PRDM8: variants seen among roughly 807,000 people sequenced by gnomAD.
The protein encoded by PRDM8 is PR/SET domain 8, also known as PR domain zinc finger protein 8.
A neutral mutation model predicts 46.5 loss-of-function variants in PRDM8; 13 were observed. The ratio of observed to expected loss-of-function variants is 0.28; its 90% CI spans 0.18 to 0.44. The LOEUF (loss-of-function observed/expected upper bound fraction) is 0.44. Ranked by LOEUF, PRDM8 falls within the 20% of genes least tolerant of loss-of-function variation. The pLI is 1.00. For missense variants in PRDM8, 998 were observed against 955.0 expected (o/e 1.04, Z -0.59); for synonymous variants, 473 against 438.4 (o/e 1.08, Z -0.98).
rs1738737122 is a variant in PRDM8, at chr4:80,203,399, C to T, written c.1937C>T (p.Ser646Leu). The T allele has an allele frequency of 6.2e-7, 1 of 1,613,886 alleles. No homozygotes were observed. The highest frequency in any genetic ancestry group is 8.5e-7 in the Non-Finnish European group (1 of 1,179,942). ...TCCGACCTGGTGTACCATATGAGGT[C>T]GCACCACAAAAAGGAGTATGCGATG... Reference protein sequence around the residue: ...MTSDLVYHMRSHHKKEYAMEP... With the variant: ...MTSDLVYHMRLHHKKEYAMEP... Residue 646 changes from serine to leucine, a missense_variant, in exon 4 of 4, where the codon TCG (serine) becomes TTG (leucine). Ser to Leu is a moderately radical substitution (Grantham distance 145). Coordinates refer to ENST00000415738, the MANE Select transcript of PRDM8 (RefSeq NM_001099403.2).
chr4:80,203,727 C>T lies in PRDM8; in HGVS notation c.*195C>T. ...CCAGGAACCTCATTCAAATATTTAC[C>T]CGGGACACACACCCCCCCCCACACA... On this transcript the variant is annotated 3_prime_UTR_variant, in exon 4 of 4. Coordinates refer to ENST00000415738, the MANE Select transcript of PRDM8 (RefSeq NM_001099403.2). 1.6e-6 allele frequency: 1 copy of T among 623,310 alleles called. No homozygotes were observed. The highest frequency in any genetic ancestry group is 2.6e-6 in the Non-Finnish European group (1 of 390,936). The allele number at this position is 623,310 out of a possible 1,614,324, so 38.6% of individuals were successfully genotyped here. A position where few individuals can be genotyped will look rare whatever the true frequency, so the allele number is the denominator to read the frequency against.
chr4:80,197,087 C>T (rs1738015980), upstream of PRDM8: 1 of 985,506 alleles, frequency 1.0e-6, no homozygotes, highest in Non-Finnish European at 1.2e-6. Flanking sequence ...AACCGCACCC[C>T]TCTCCCTTTC....
chr4:80,187,693 G>C (rs1240528770), intron 1 of PRDM8, among the ~76,000 whole-genome samples: 4 of 152,088 alleles, frequency 2.6e-5, no homozygotes, highest in African/African-American at 9.7e-5. Flanking sequence ...CTGTTGTTGG[G>C]TTATGCCCCT....
chr4:80,190,288 C>G (rs1737443796), intron 1 of PRDM8: 1 of 152,264 alleles, frequency 6.6e-6, no homozygotes, highest in Admixed American at 6.5e-5. Context: ...CACTAATTGC[C>G]GGTGGAAGGC....
rs1042984856 is a variant in PRDM8, at chr4:80,201,649, G to A, written c.451+128G>A. On this transcript the variant is annotated intron_variant, in intron 3 of 3. Coordinates refer to ENST00000415738, the MANE Select transcript of PRDM8 (RefSeq NM_001099403.2). The stretch of plus-strand genomic sequence containing the variant: ...CGGGTGTCTCATAGGAAGATTCTGA[G>A]ATGTAGTCTGGAATGAAGTTAAACA... The A allele has an allele frequency of 3.8e-6, 4 of 1,044,458 alleles. No individual in the cohort carries two copies. In the African/African-American group the frequency reaches 6.4e-5, roughly 17 times the overall value. The allele number at this position is 1,044,458 out of a possible 1,614,324, so 64.7% of individuals were successfully genotyped here.
At chr4:80,187,272 T>A (rs1049682701) in intron 1 of PRDM8, among the ~76,000 whole-genome samples, 1 of 143,532 alleles carries the variant, frequency 7.0e-6, no homozygotes, top group Non-Finnish European at 1.5e-5. Context: ...AAGAATATCA[T>A]CTTGAATGCT....
intron 2 of PRDM8, among the ~76,000 whole-genome samples, chr4:80,192,097 GT>G (rs1474013454): frequency 6.6e-6 from 1 of 152,102 alleles, no homozygotes; most frequent in East Asian, 1.9e-4. Flanking sequence ...TGTACCATGG[GT>G]TTATTCCAAG....
rs1274702762 is a variant in PRDM8, at chr4:80,197,770, C to T, written c.-3+7C>T. ...TATACTGACCTTATTCCTGGTAAGT[C>T]TATTTGCATTGATGTGGGAGGGGGA... is the stretch of plus-strand genomic sequence containing the variant. On this transcript the variant is annotated splice_region_variant and intron_variant, in intron 1 of 3. Transcript: ENST00000415738. The T allele has an allele frequency of 1.0e-6, 1 of 985,216 alleles. No homozygotes were observed. The highest frequency in any genetic ancestry group is 1.7e-5 in the African/African-American group (1 of 57,178). 61.0% of individuals were successfully genotyped at this position (985,216 alleles called of 1,614,324 possible).
Position 80,202,474 on chromosome 4 carries a change from G to C in PRDM8, c.1012G>C (p.Glu338Gln). ...GGTAGGGGGCCGGGGCCGCTTCGTAGAGCGGCCCCTCCCGGCCTCCAAGGA... is the reference window on the plus strand; with the variant it reads ...GGTAGGGGGCCGGGGCCGCTTCGTACAGCGGCCCCTCCCGGCCTCCAAGGA... ...GLVGGRGRFV[E>Q]RPLPASKEDL... Residue 338 changes from glutamate (E) to glutamine (Q), a missense_variant, in exon 4 of 4, where the codon GAG becomes CAG. Transcript: ENST00000415738. 6.5e-7 allele frequency: 1 copy of C among 1,539,402 alleles called. No homozygotes were observed. The highest frequency in any genetic ancestry group is 8.7e-7 in the Non-Finnish European group (1 of 1,143,070).
At chr4:80,197,121 T>C, upstream of PRDM8, 1 of 985,404 alleles carries the variant, frequency 1.0e-6, no homozygotes, top group Non-Finnish European at 1.2e-6. Flanking sequence ...TCCGGGGAAA[T>C]ACGCACGGGG....
Position 80,197,657 on chromosome 4 carries a change from C to G in PRDM8, c.-109C>G. On this transcript the variant is annotated 5_prime_UTR_variant, in exon 1 of 4. Transcript: ENST00000415738. ...CTAAAAGGCGGCAACACCAACACCTCTTGACATGGAAATACACTGATACAA... is the reference window on the plus strand; with the variant it reads ...CTAAAAGGCGGCAACACCAACACCTGTTGACATGGAAATACACTGATACAA... The G allele has an allele frequency of 1.0e-6, 1 of 983,944 alleles. No individual in the cohort carries two copies. 61.0% of individuals were successfully genotyped at this position (983,944 alleles called of 1,614,324 possible). A position where few individuals can be genotyped will look rare whatever the true frequency, so the allele number is the denominator to read the frequency against.
Position 80,202,690 on chromosome 4 carries a change from G to T in PRDM8, c.1228G>T (p.Ala410Ser). 4 of 1,394,766 alleles carry T rather than the reference G, an allele frequency of 2.9e-6. No individual in the cohort carries two copies. Among genetic ancestry groups the T allele is most frequent in the East Asian group, 3.0e-5 (1 of 33,760 alleles). The allele number at this position is 1,394,766 out of a possible 1,614,324, so 86.4% of individuals were successfully genotyped here. A position where few individuals can be genotyped will look rare whatever the true frequency, so the allele number is the denominator to read the frequency against. Reference protein sequence around the residue: ...EEGTADGAGVASEDQDAGGGG... With the variant: ...EEGTADGAGVSSEDQDAGGGG... The stretch of plus-strand genomic sequence containing the variant: ...GGGGACAGCCGACGGCGCGGGAGTC[G>T]CCTCCGAGGACCAGGACGCTGGCGG... Residue 410 changes from alanine to serine, a missense_variant, in exon 4 of 4, where the codon GCC (alanine) becomes TCC (serine). Transcript: ENST00000415738.
At chr4:80,198,470 G>A (rs910679065) in intron 1 of PRDM8, among the ~76,000 whole-genome samples, 3 of 152,202 alleles carry the variant, frequency 2.0e-5, no homozygotes, top group African/African-American at 7.2e-5. Flanking sequence ...TTTTTAAAAT[G>A]TATTTTAATT....
At chr4:80,193,919 A>G (rs1737742700), upstream of PRDM8, among the ~76,000 whole-genome samples, 1 of 152,186 alleles carries the variant, frequency 6.6e-6, no homozygotes, top group African/African-American at 2.4e-5. Context: ...AAAGAAAATC[A>G]GTGTGTTTTC....
At position 80,203,916 on chromosome 4, in the gene PRDM8, A is replaced by T. The variant is rs1738789684; in HGVS notation, c.*384A>T. Reference sequence around the variant, plus strand: ...TGCAACATATTGATGCATTTGTCATACGTTTCTACTTAAATTATTAAGCAC... The same window carrying T: ...TGCAACATATTGATGCATTTGTCATTCGTTTCTACTTAAATTATTAAGCAC... On this transcript the variant is annotated 3_prime_UTR_variant, in exon 4 of 4. Coordinates refer to ENST00000415738, the MANE Select transcript of PRDM8 (RefSeq NM_001099403.2). 1 of 159,464 alleles carries T rather than the reference A, an allele frequency of 6.3e-6. No homozygotes were observed. 9.9% of individuals were successfully genotyped at this position (159,464 alleles called of 1,614,324 possible).
At chr4:80,191,461 C>CCATAT (rs1737538280) in intron 1 of PRDM8, 1 of 151,572 alleles carries the variant, frequency 6.6e-6, no homozygotes, top group South Asian at 2.1e-4. Context: ...ACCACGGTTA[C>CCATAT]TATATTACAG....
chr4:80,201,816 G>A, intron 3 of PRDM8, 98 bp from the exon 4 acceptor site: 1 of 1,547,402 alleles, frequency 6.5e-7, no homozygotes, highest in Non-Finnish European at 8.8e-7. Flanking sequence ...AGGGGATGGT[G>A]GCAAACTGGC....
rs1199927860 is a variant in PRDM8 at position 80,202,896 on chromosome 4, G to C, written c.1434G>C (p.Thr478=). Residue 478 remains threonine (T), a synonymous_variant, in exon 4 of 4, where the codon ACG becomes ACC. Transcript: ENST00000415738. ...GCAGCACCAGCGGTGGGGGCGGAAC[G>C]GGCGCCGGGGCCGCAGGCGGCGCGG... ...SAGSTSGGGG[T]GAGAAGGAGG... 31 of 1,322,254 alleles carry C rather than the reference G, an allele frequency of 2.3e-5. No individual in the cohort carries two copies. Among genetic ancestry groups the C allele is most frequent in the Non-Finnish European group, 2.5e-5 (26 of 1,046,784 alleles). 81.9% of individuals were successfully genotyped at this position (1,322,254 alleles called of 1,614,324 possible).
rs1203707773 is a variant in PRDM8 at position 80,203,712 on chromosome 4, C to G, written c.*180C>G. 2 of 1,034,320 alleles carry G rather than the reference C, an allele frequency of 1.9e-6. No homozygotes were observed. The highest frequency in any genetic ancestry group is 2.6e-6 in the Non-Finnish European group (2 of 755,330). 64.1% of individuals were successfully genotyped at this position (1,034,320 alleles called of 1,614,324 possible). On this transcript the variant is annotated 3_prime_UTR_variant, in exon 4 of 4. Transcript: ENST00000415738. The stretch of plus-strand genomic sequence containing the variant: ...ACACGTCCTCTCCTCCCAGGAACCT[C>G]ATTCAAATATTTACCCGGGACACAC...
Sources: gnomAD v4.1 joint callset for allele counts (sites outside exome capture counted in the v4.1 genomes callset) on GRCh38, gnomAD v4.1.1 for gene constraint, MANE v1.5 for transcripts, NCBI Gene and HGNC (gene_info 2026-07-23, HGNC 2026-07-21) for gene names.